SPAG16: variants seen among roughly 807,000 people sequenced by gnomAD.
The protein encoded by SPAG16 is sperm associated antigen 16.
A neutral mutation model predicts 80.4 loss-of-function variants in SPAG16; 86 were observed. The ratio of observed to expected loss-of-function variants is 1.07; its 90% CI spans 0.90 to 1.28. SPAG16 has a LOEUF of 1.28. SPAG16 is among the 50% of genes most tolerant of loss of function. The probability of loss-of-function intolerance (pLI) is 0.00; values close to 1 mark genes in which losing one functional copy is unlikely to be tolerated. For synonymous variants in SPAG16, 294 were observed against 265.9 expected, an observed-to-expected ratio of 1.11 and a Z score of -1.03; for missense variants, 870 against 765.3, an observed-to-expected ratio of 1.14 and a Z score of -1.61.
chr2:213,973,756 A>G (rs576354699), intron 12 of SPAG16, among the ~76,000 whole-genome samples: 1 of 152,076 alleles, frequency 6.6e-6, no homozygotes, highest in East Asian at 1.9e-4. Flanking sequence ...GTGAAGGCAC[A>G]GATGTTTGGA....
chr2:213,982,905 A>G (rs2045832173), intron 12 of SPAG16, among the ~76,000 whole-genome samples: 2 of 152,016 alleles, frequency 1.3e-5, no homozygotes, highest in Admixed American at 6.6e-5. Flanking sequence ...TAGCATTGCA[A>G]TTATTATTTT....
chr2:213,632,042 G>T (rs565562508), intron 10 of SPAG16, among the ~76,000 whole-genome samples: 1 of 152,020 alleles, frequency 6.6e-6, no homozygotes, highest in South Asian at 2.1e-4. Flanking sequence ...TTTTCGTAGG[G>T]ATTGCATTGA....
intron 10 of SPAG16, among the ~76,000 whole-genome samples, chr2:213,561,689 TTTTG>T (rs1281411749): frequency 1.3e-5 from 2 of 152,304 alleles, no homozygotes; most frequent in Non-Finnish European, 2.9e-5. Context: ...CAAGTCATAT[TTTTG>T]TTTGTTTTAT....
intron 9 of SPAG16, among the ~76,000 whole-genome samples, chr2:213,465,808 T>G (rs1351304613): frequency 1.3e-5 from 2 of 152,184 alleles, no homozygotes; most frequent in Non-Finnish European, 2.9e-5. Context: ...CATGGGCTGT[T>G]GGGGTGGGCC....
rs1183558721 is a variant in SPAG16, at chr2:213,440,652, G to T, written c.943-49311G>T. ...TGCATACATGGTTTATTCATGAGAAGTGTGGTACTACTGAGTAGTGATAAA... is the reference window on the plus strand; with the variant it reads ...TGCATACATGGTTTATTCATGAGAATTGTGGTACTACTGAGTAGTGATAAA... On this transcript the variant is annotated intron_variant, in intron 9 of 15. Transcript: ENST00000331683. 2.0e-5 allele frequency among the ~76,000 whole-genome samples: 3 copies of T among 152,276 alleles called. No individual in the cohort carries two copies. The East Asian group carries it at 5.8e-4, about 29-fold the overall frequency.
chr2:213,607,324 T>C (rs2061297558), intron 10 of SPAG16, among the ~76,000 whole-genome samples: 2 of 152,214 alleles, frequency 1.3e-5, no homozygotes, highest in African/African-American at 4.8e-5. Context: ...TATTTTCTAT[T>C]GCACCTTTCT....
intron 9 of SPAG16, among the ~76,000 whole-genome samples, chr2:213,443,567 GTTGT>G (rs2071115526): frequency 1.3e-5 from 2 of 152,062 alleles, no homozygotes; most frequent in African/African-American, 4.8e-5. Flanking sequence ...AGACACCTAT[GTTGT>G]TTCCATATCT....
intron 11 of SPAG16, among the ~76,000 whole-genome samples, chr2:213,868,121 G>A (rs1182980978): frequency 6.6e-6 from 1 of 151,880 alleles, no homozygotes; most frequent in East Asian, 1.9e-4. Flanking sequence ...GATTAAGATA[G>A]TTATAAACTG....
chr2:213,454,450 T>C (rs2071880953), intron 9 of SPAG16, among the ~76,000 whole-genome samples: 1 of 152,210 alleles, frequency 6.6e-6, no homozygotes, highest in African/African-American at 2.4e-5. Flanking sequence ...CTTTGTGATT[T>C]TTACATATTT....
chr2:213,445,281 A>G (rs2125547087), intron 9 of SPAG16, among the ~76,000 whole-genome samples: 1 of 152,376 alleles, frequency 6.6e-6, no homozygotes, highest in South Asian at 2.1e-4. Context: ...TAACCAGAGT[A>G]TATAAGGAAT....
At chr2:213,559,379 A>G (rs1188185432) in intron 10 of SPAG16, among the ~76,000 whole-genome samples, 2 of 152,190 alleles carry the variant, frequency 1.3e-5, no homozygotes, top group Non-Finnish European at 2.9e-5. Context: ...GCATCAATGC[A>G]CTACTGGTAA....
At chr2:213,817,776 C>T (rs564784541) in intron 10 of SPAG16, among the ~76,000 whole-genome samples, 2 of 152,138 alleles carry the variant, frequency 1.3e-5, no homozygotes, top group East Asian at 1.9e-4. Flanking sequence ...ACTGGGTACT[C>T]AGGGGCATAA....
chr2:214,059,968 CTGAGTA>C (rs1202508222), intron 13 of SPAG16, among the ~76,000 whole-genome samples: 2 of 151,936 alleles, frequency 1.3e-5, no homozygotes, highest in Non-Finnish European at 2.9e-5. Context: ...TTTTTTCACC[CTGAGTA>C]TAAGTAAGAG....
intron 10 of SPAG16, among the ~76,000 whole-genome samples, chr2:213,798,237 C>T (rs2071167175): frequency 6.6e-6 from 1 of 151,994 alleles, no homozygotes; most frequent in Non-Finnish European, 1.5e-5. Flanking sequence ...AATATTTTCT[C>T]CCATTCTATG....
intron 10 of SPAG16, among the ~76,000 whole-genome samples, chr2:213,728,311 A>T (rs2066866833): frequency 6.6e-6 from 1 of 152,170 alleles, no homozygotes; most frequent in African/African-American, 2.4e-5. Context: ...CAGCCCCCAG[A>T]GTGTCTACTG....
rs375862279 is a variant in SPAG16, at chr2:214,031,819, A to G, written c.1527+17742A>G. Among the ~76,000 whole-genome samples, 8 of 152,146 alleles carry G rather than the reference A, an allele frequency of 5.3e-5. No homozygotes were observed. The East Asian group carries it at 1.4e-3, about 26-fold the overall frequency. On this transcript the variant is annotated intron_variant, in intron 13 of 15. Coordinates refer to ENST00000331683, the MANE Select transcript of SPAG16 (RefSeq NM_024532.5). ...TTCACAGTGGTGCAGCAGGAGAGAG[A>G]GAGAACCAAGGGGGGAAGTGCTACA...
rs1341020402 is a variant in SPAG16 at position 213,718,366 on chromosome 2, CT to C, written c.1071-144118del. The stretch of plus-strand genomic sequence containing the variant: ...CCCTCGCTTGCTCTCGGCACCCCCC[CT>C]GCCTGGGCTCCCACTTTGGTGGCAT... On this transcript the variant is annotated intron_variant, in intron 10 of 15. Coordinates refer to ENST00000331683, the MANE Select transcript of SPAG16 (RefSeq NM_024532.5). 5.9e-5 allele frequency among the ~76,000 whole-genome samples: 9 copies of C among 152,172 alleles called. No individual in the cohort carries two copies. The East Asian group carries it at 1.2e-3, about 20-fold the overall frequency.
chr2:213,440,644 C>T (rs1020091485), intron 9 of SPAG16, among the ~76,000 whole-genome samples: 5 of 152,114 alleles, frequency 3.3e-5, no homozygotes, highest in African/African-American at 1.2e-4. Flanking sequence ...ATGGTTTATT[C>T]ATGAGAAGTG....
intron 15 of SPAG16, among the ~76,000 whole-genome samples, chr2:214,272,955 T>C (rs1327873601): frequency 1.3e-5 from 2 of 152,212 alleles, no homozygotes; most frequent in African/African-American, 4.8e-5. Flanking sequence ...CAGCACCTGC[T>C]GTTTCCTGAC....
Sources: allele counts gnomAD v4.1 joint callset (sites outside exome capture counted in the v4.1 genomes callset), GRCh38; gene constraint gnomAD v4.1.1; transcripts MANE v1.5; gene names NCBI Gene and HGNC (gene_info 2026-07-23, HGNC 2026-07-21).